Variants in XXYLT1 observed in about 807,000 individuals in gnomAD.
XXYLT1 encodes the protein xyloside xylosyltransferase 1.
A neutral mutation model predicts 28.9 loss-of-function variants in XXYLT1; 20 were observed. That is an observed-to-expected ratio of 0.69 (90% CI 0.49 to 1.00). XXYLT1 has a LOEUF of 1.00. XXYLT1 is among the 50% of genes least tolerant of loss of function. The probability of loss-of-function intolerance (pLI) is 0.00; values close to 1 mark genes in which losing one functional copy is unlikely to be tolerated. For missense variants in XXYLT1, 542 were observed against 560.1 expected (o/e 0.97, Z 0.33); for synonymous variants, 257 against 253.8 (o/e 1.01, Z -0.12).
intron 2 of XXYLT1, among the ~76,000 whole-genome samples, chr3:195,157,001 T>C (rs1720631808): frequency 6.6e-6 from 1 of 152,084 alleles, no homozygotes; most frequent in African/African-American, 2.4e-5. Flanking sequence ...TCCCAGCATT[T>C]TGGGAGGCCG....
At chr3:195,229,309 T>C (rs1260517503) in intron 1 of XXYLT1, among the ~76,000 whole-genome samples, 1 of 152,240 alleles carries the variant, frequency 6.6e-6, no homozygotes, top group Non-Finnish European at 1.5e-5. Flanking sequence ...TGAGATATTT[T>C]CATACAAGCA....
intron 2 of XXYLT1, among the ~76,000 whole-genome samples, chr3:195,223,814 G>GT (rs1350985104): frequency 6.6e-6 from 1 of 152,158 alleles, no homozygotes; most frequent in African/African-American, 2.4e-5. Context: ...TCAAATTTTA[G>GT]TAACTCCTAA....
Position 195,180,311 on chromosome 3 carries a change from A to C in XXYLT1, c.653-23730T>G. 1 of 985,298 alleles carries C rather than the reference A, an allele frequency of 1.0e-6. No individual in the cohort carries two copies. Among genetic ancestry groups the C allele is most frequent in the Non-Finnish European group, 1.2e-6 (1 of 829,862 alleles). 61.0% of individuals were successfully genotyped at this position (985,298 alleles called of 1,614,324 possible). A position where few individuals can be genotyped will look rare whatever the true frequency, so the allele number is the denominator to read the frequency against. On this transcript the variant is annotated intron_variant, in intron 2 of 3. Coordinates refer to ENST00000310380, the MANE Select transcript of XXYLT1 (RefSeq NM_152531.5). The surrounding 1 kb of genome is among the most constrained non-coding windows in gnomAD (Gnocchi z 5.8). Reference sequence around the variant, plus strand: ...AGGTCCCTTCCATCCTGGGGACCCAACTCATGAGGGCCCAGAAGGAAGGAG... The same window carrying C: ...AGGTCCCTTCCATCCTGGGGACCCACCTCATGAGGGCCCAGAAGGAAGGAG...
intron 3 of XXYLT1, among the ~76,000 whole-genome samples, chr3:195,103,211 T>G (rs2108679557): frequency 6.6e-6 from 1 of 152,304 alleles, no homozygotes; most frequent in East Asian, 1.9e-4. Context: ...GATAACAGAC[T>G]GGAATTCCAG....
In XXYLT1 at chr3:195,210,496, C is replaced by T. The variant is rs775585589; in HGVS notation, c.652+16213G>A. ...ATAAGAGCCAGCTGATGCCTTTGAC[C>T]GATAGCCAAGAATTTAAAAGAAGAT... On this transcript the variant is annotated intron_variant, in intron 2 of 3. Coordinates refer to ENST00000310380, the MANE Select transcript of XXYLT1 (RefSeq NM_152531.5). The surrounding 1 kb of genome is among the most constrained non-coding windows in gnomAD (Gnocchi z 4.8). Among the ~76,000 whole-genome samples, 7 of 152,148 alleles carry T rather than the reference C, an allele frequency of 4.6e-5. No individual in the cohort carries two copies. The highest frequency in any genetic ancestry group is 6.5e-5 in the Admixed American group (1 of 15,268).
At chr3:195,269,196 G>A (rs1371542990) in intron 1 of XXYLT1, among the ~76,000 whole-genome samples, 1 of 152,222 alleles carries the variant, frequency 6.6e-6, no homozygotes, top group African/African-American at 2.4e-5. Flanking sequence ...TCTTCAAGGC[G>A]GTGTTTGGAG....
chr3:195,133,072 G>T lies in XXYLT1; in HGVS notation c.785+23377C>A, dbSNP rs1356412238. On this transcript the variant is annotated intron_variant, in intron 3 of 3. Transcript: ENST00000310380. The surrounding 1 kb of genome is among the most constrained non-coding windows in gnomAD (Gnocchi z 4.4). ...ACATCATAAATAAAAAACCCTGCTT[G>T]GGGTGGAGGTGGTGGGCAAGTGTAA... Among the ~76,000 whole-genome samples, 9 of 152,182 alleles carry T rather than the reference G, an allele frequency of 5.9e-5. No homozygotes were observed. Among genetic ancestry groups the T allele is most frequent in the Admixed American group, 5.9e-4 (9 of 15,284 alleles).
chr3:195,228,533 C>A (rs1437413991), intron 1 of XXYLT1, among the ~76,000 whole-genome samples: 2 of 145,246 alleles, frequency 1.4e-5, no homozygotes, highest in Non-Finnish European at 3.0e-5. Flanking sequence ...CTCTGTCAAC[C>A]GAGGCTGGAG....
chr3:195,160,765 G>T (rs984056335), intron 2 of XXYLT1, among the ~76,000 whole-genome samples: 2 of 152,148 alleles, frequency 1.3e-5, no homozygotes, highest in Non-Finnish European at 2.9e-5. Flanking sequence ...CTGGCTTCTC[G>T]CACTGGAGGG....
At chr3:195,155,893 A>G (rs1420707559) in intron 3 of XXYLT1, among the ~76,000 whole-genome samples, 1 of 152,232 alleles carries the variant, frequency 6.6e-6, no homozygotes, top group Non-Finnish European at 1.5e-5. Flanking sequence ...ACTACAAATA[A>G]CGCTACAGTG....
intron 3 of XXYLT1, among the ~76,000 whole-genome samples, chr3:195,112,051 G>A (rs1009056991): frequency 2.0e-5 from 3 of 152,140 alleles, no homozygotes; most frequent in Non-Finnish European, 2.9e-5. Context: ...CAAATGAGAC[G>A]GGTGCTAATA....
chr3:195,147,767 A>G (rs1719944335), intron 3 of XXYLT1: 1 of 152,256 alleles, frequency 6.6e-6, no homozygotes, highest in Non-Finnish European at 1.5e-5. Flanking sequence ...AGTGCCTGGC[A>G]TTGGTCTGCA....
intron 3 of XXYLT1, among the ~76,000 whole-genome samples, chr3:195,113,340 G>A (rs1717881968): frequency 6.6e-6 from 1 of 152,318 alleles, no homozygotes; most frequent in Middle Eastern, 3.4e-3. Flanking sequence ...AAGCTTGGGA[G>A]GGGAGTGGTG....
intron 2 of XXYLT1, among the ~76,000 whole-genome samples, chr3:195,208,449 A>C (rs145279768): frequency 1.3e-5 from 2 of 151,972 alleles, no homozygotes. Flanking sequence ...ACATGGTCCC[A>C]CCTGCTCTGG....
intron 1 of XXYLT1, chr3:195,260,139 G>A (rs574477850): frequency 6.6e-6 from 1 of 151,902 alleles, no homozygotes; most frequent in African/African-American, 2.4e-5. Context: ...GGGAGCCTCA[G>A]GCTTGGGGGC....
At chr3:195,238,234 A>T (rs376250821) in intron 1 of XXYLT1, among the ~76,000 whole-genome samples, 14 of 152,114 alleles carry the variant, frequency 9.2e-5, no homozygotes, top group African/African-American at 3.4e-4. Context: ...ACATCCTTGC[A>T]TGCCTGTACT....
chr3:195,181,361 C>G (rs1359575887), intron 2 of XXYLT1, among the ~76,000 whole-genome samples: 2 of 152,246 alleles, frequency 1.3e-5, no homozygotes, highest in African/African-American at 2.4e-5. Flanking sequence ...GAGGTCTACA[C>G]TTTCATCTTC....
chr3:195,079,878 T>C (rs1715331533), intron 3 of XXYLT1, among the ~76,000 whole-genome samples: 1 of 151,530 alleles, frequency 6.6e-6, no homozygotes, highest in South Asian at 2.1e-4. Context: ...AGGGTGAGGG[T>C]GTGGGCAGAG....
chr3:195,081,522 G>T (rs116312034), intron 3 of XXYLT1, among the ~76,000 whole-genome samples: 2,726 of 85,868 alleles, frequency 0.032, 80 homozygotes, highest in African/African-American at 0.19. Context: ...CCACTGCCTT[G>T]AAAAAAAATG....
Sources: allele counts gnomAD v4.1 joint callset (sites outside exome capture counted in the v4.1 genomes callset), GRCh38; gene constraint gnomAD v4.1.1; non-coding constraint Gnocchi (gnomAD v3.1); transcripts MANE v1.5; gene names NCBI Gene and HGNC (gene_info 2026-07-23, HGNC 2026-07-21).